The following BCAT1 variants were observed in gnomAD, a reference collection of about 807,000 sequenced individuals.
BCAT1 encodes the protein branched chain amino acid transaminase 1.
Under a neutral mutation model 52.4 loss-of-function variants are expected in BCAT1, and 48 were observed. The observed-to-expected ratio is 0.92, with a 90% CI of 0.73 to 1.16. The LOEUF is 1.16. Among genes scored for constraint, BCAT1 ranks in the 50% most tolerant of loss-of-function variants. The pLI is 0.00. For synonymous variants in BCAT1, 167 were observed against 161.3 expected (o/e 1.04, Z -0.27); for missense variants, 451 against 457.1 (o/e 0.99, Z 0.12).
chr12:24,923,347 C>A (rs1239099871), intron 1 of BCAT1, among the ~76,000 whole-genome samples: 1 of 152,172 alleles, frequency 6.6e-6, no homozygotes, highest in African/African-American at 2.4e-5. Flanking sequence ...AAGCCTTGGT[C>A]AACTGTGCAG....
At chr12:24,842,246 C>T (rs764671916) in intron 6 of BCAT1, 22 bp from the exon 7 acceptor site, 3 of 1,612,188 alleles carry the variant, frequency 1.9e-6, no homozygotes, top group East Asian at 4.5e-5. Flanking sequence ...AGAAAATACA[C>T]AGGTTACAAA....
intron 5 of BCAT1, 117 bp from the exon 6 acceptor site, chr12:24,850,066 A>C: frequency 3.0e-6 from 3 of 993,082 alleles, no homozygotes. Flanking sequence ...AGGAGCTATT[A>C]CCATACTTTT....
chr12:24,918,547 A>AG (rs1329236356), intron 1 of BCAT1, among the ~76,000 whole-genome samples: 2 of 152,170 alleles, frequency 1.3e-5, no homozygotes, highest in Non-Finnish European at 2.9e-5. Flanking sequence ...TTGGACTTCC[A>AG]GGGGTCCTAT....
At chr12:24,830,838 A>G (rs1037946387) in intron 9 of BCAT1, 1 of 152,170 alleles carries the variant, frequency 6.6e-6, no homozygotes, top group African/African-American at 2.4e-5. Flanking sequence ...GAAACAGTCT[A>G]TCTGTTGATG....
At chr12:24,916,665 C>T (rs578098331) in intron 1 of BCAT1, among the ~76,000 whole-genome samples, 4 of 152,150 alleles carry the variant, frequency 2.6e-5, no homozygotes, top group Non-Finnish European at 5.9e-5. Flanking sequence ...CTCAGCCTCC[C>T]GAGTAGCTGG....
At position 24,948,968 on chromosome 12, in the gene BCAT1, G is replaced by A; in HGVS notation, c.-36C>T. The A allele has an allele frequency of 6.3e-7, 1 of 1,585,820 alleles. No homozygotes were observed. Among genetic ancestry groups the A allele is most frequent in the Non-Finnish European group, 8.6e-7 (1 of 1,165,726 alleles). ...GCCACGAGGGAAGCTCGAGCTGAGC[G>A]GAGGGCAGATCCCAAGGGTCGTAGC... On this transcript the variant is annotated 5_prime_UTR_variant, in exon 1 of 11. Coordinates refer to ENST00000261192, the MANE Select transcript of BCAT1 (RefSeq NM_005504.7).
intron 7 of BCAT1, among the ~76,000 whole-genome samples, chr12:24,838,999 T>A (rs1353581895): frequency 6.6e-6 from 1 of 152,226 alleles, no homozygotes. Flanking sequence ...AGCCATTTAT[T>A]CTACAAATAC....
At chr12:24,916,269 A>ACG (rs1943405123) in intron 1 of BCAT1, among the ~76,000 whole-genome samples, 1 of 152,204 alleles carries the variant, frequency 6.6e-6, no homozygotes, top group Non-Finnish European at 1.5e-5. Context: ...CGTCTCCAAA[A>ACG]TATCTTGAGG....
chr12:24,901,201 T>G (rs1943093458), intron 2 of BCAT1, among the ~76,000 whole-genome samples: 1 of 152,096 alleles, frequency 6.6e-6, no homozygotes, highest in African/African-American at 2.4e-5. Context: ...GTCAATTGTC[T>G]GATGACAATT....
chr12:24,852,764 G>C (rs898721115), intron 5 of BCAT1, among the ~76,000 whole-genome samples: 1 of 152,200 alleles, frequency 6.6e-6, no homozygotes, highest in African/African-American at 2.4e-5. Context: ...GAGAGAAAAT[G>C]TGTTTATGTA....
At chr12:24,820,804 C>T (rs1437621722) in intron 10 of BCAT1, among the ~76,000 whole-genome samples, 1 of 144,010 alleles carries the variant, frequency 6.9e-6, no homozygotes, top group Non-Finnish European at 1.5e-5. Flanking sequence ...ATTCGAGGTA[C>T]ATAAGGCAGA....
chr12:24,887,425 CAT>C (rs576141729), intron 3 of BCAT1, among the ~76,000 whole-genome samples: 2 of 152,160 alleles, frequency 1.3e-5, no homozygotes, highest in South Asian at 2.1e-4. Context: ...CACACACACA[CAT>C]GCACACAAAC....
rs145663696 is a variant in BCAT1, at chr12:24,928,621, C to T, written c.6+20306G>A. 4.2e-4 allele frequency among the ~76,000 whole-genome samples: 54 copies of T among 127,280 alleles called. No individual in the cohort carries two copies. In the East Asian group the frequency reaches 0.011, roughly 26 times the overall value. The allele number at this position is 127,280 out of a possible 152,430, so 83.5% of individuals were successfully genotyped here. A position where few individuals can be genotyped will look rare whatever the true frequency, so the allele number is the denominator to read the frequency against. On this transcript the variant is annotated intron_variant, in intron 1 of 10. Transcript: ENST00000261192. ...TGCCATGCCAGCCTGCAATACAGAG[C>T]GAGACAGTCTCAAAAAAAAAAAAAA... is the stretch of plus-strand genomic sequence containing the variant.
In BCAT1 at chr12:24,811,441, T is replaced by C. The variant is rs963351933; in HGVS notation, c.*6567A>G. ...TGAGGAATCTGCAAATAATAAAGAA[T>C]GTGTCTATTGCCAGCAAAATACAAT... On this transcript the variant is annotated 3_prime_UTR_variant, in exon 11 of 11. Transcript: ENST00000261192. The C allele has an allele frequency of 6.6e-6, 1 of 152,200 alleles. No homozygotes were observed. Among genetic ancestry groups the C allele is most frequent in the Admixed American group, 6.5e-5 (1 of 15,276 alleles). The allele number at this position is 152,200 out of a possible 1,614,324, so 9.4% of individuals were successfully genotyped here.
chr12:24,917,422 T>A (rs1456620889), intron 1 of BCAT1, among the ~76,000 whole-genome samples: 1 of 152,212 alleles, frequency 6.6e-6, no homozygotes, highest in Non-Finnish European at 1.5e-5. Flanking sequence ...GACCTCGTGA[T>A]CCGCCTGCCT....
chr12:24,908,873 C>A (rs1342375040), intron 1 of BCAT1, among the ~76,000 whole-genome samples: 1 of 152,190 alleles, frequency 6.6e-6, no homozygotes, highest in African/African-American at 2.4e-5. Context: ...CACTTATAAG[C>A]CCTATGACTT....
chr12:24,899,878 A>C (rs558421808), intron 2 of BCAT1, among the ~76,000 whole-genome samples: 2 of 151,942 alleles, frequency 1.3e-5, no homozygotes, highest in East Asian at 3.9e-4. Flanking sequence ...GTACTCATAG[A>C]ATGATAGATA....
intron 7 of BCAT1, among the ~76,000 whole-genome samples, chr12:24,836,902 G>A (rs973955938): frequency 2.5e-4 from 5 of 20,192 alleles, no homozygotes; most frequent in East Asian, 2.5e-3. Context: ...AGAAAGAAAA[G>A]AAAGAGAGAA....
chr12:24,844,560 C>T (rs1476904869), intron 6 of BCAT1, among the ~76,000 whole-genome samples: 1 of 151,900 alleles, frequency 6.6e-6, no homozygotes, highest in East Asian at 1.9e-4. Flanking sequence ...ATGGTGATTG[C>T]CATTGGAGCA....
Sources: gnomAD v4.1 joint callset for allele counts (sites outside exome capture counted in the v4.1 genomes callset) on GRCh38, gnomAD v4.1.1 for gene constraint, MANE v1.5 for transcripts, NCBI Gene and HGNC (gene_info 2026-07-23, HGNC 2026-07-21) for gene names.